The following RYR3 variants were observed in gnomAD, a reference collection of about 807,000 sequenced individuals.
The protein encoded by RYR3 is brain ryanodine receptor-calcium release channel.
A neutral mutation model predicts 584.3 loss-of-function variants in RYR3; 207 were observed. The ratio of observed to expected loss-of-function variants is 0.35; its 90% CI spans 0.32 to 0.40. RYR3 has a LOEUF of 0.40. Among genes scored for constraint, RYR3 ranks in the 10% least tolerant of loss-of-function variants. RYR3 has a pLI of 1.00. For synonymous variants in RYR3, 2,416 were observed against 2,248.5 expected, an observed-to-expected ratio of 1.07 and a Z score of -2.11; for missense variants, 5,616 against 6,089.2, an observed-to-expected ratio of 0.92 and a Z score of 2.59.
At position 33,722,712 on chromosome 15, in the gene RYR3, C is replaced by T. The variant is rs2293028; in HGVS notation, c.6620-3C>T. 487,360 of 1,609,044 alleles carry T rather than the reference C, an allele frequency of 0.3. 78,798 individuals are homozygous for T. Among genetic ancestry groups the T allele is most frequent in the East Asian group, 0.62 (27,587 of 44,802 alleles). On this transcript the variant is annotated splice_region_variant and splice_polypyrimidine_tract_variant and intron_variant, in intron 43 of 103. Coordinates refer to ENST00000634891, the MANE Select transcript of RYR3 (RefSeq NM_001036.6). ...AGAAGGAAACAGTGCCTGTCTTCCTCAGGTGAGAGTGTGGAAGAAAACGCC... is the reference window on the plus strand; with the variant it reads ...AGAAGGAAACAGTGCCTGTCTTCCTTAGGTGAGAGTGTGGAAGAAAACGCC...
At chr15:33,595,610 C>G (rs1018618206) in intron 16 of RYR3, among the ~76,000 whole-genome samples, 2 of 152,154 alleles carry the variant, frequency 1.3e-5, no homozygotes, top group Admixed American at 1.3e-4. Context: ...GCTTTAATTT[C>G]TTGCCCTGTG....
At chr15:33,713,608 T>G (rs1398122737) in intron 43 of RYR3, among the ~76,000 whole-genome samples, 1 of 152,186 alleles carries the variant, frequency 6.6e-6, no homozygotes, top group East Asian at 1.9e-4. Context: ...TATATTAACT[T>G]TAATTATACG....
intron 3 of RYR3, among the ~76,000 whole-genome samples, chr15:33,527,881 G>A (rs1365218148): frequency 1.3e-5 from 2 of 152,168 alleles, no homozygotes; most frequent in African/African-American, 4.8e-5. Flanking sequence ...GTGAGACCTG[G>A]TGGCAATAGA....
At chr15:33,790,570 G>T (rs1475793470) in intron 67 of RYR3, among the ~76,000 whole-genome samples, 1 of 152,096 alleles carries the variant, frequency 6.6e-6, no homozygotes, top group African/African-American at 2.4e-5. Flanking sequence ...GGTTGTTGAG[G>T]GGAAGATCAG....
rs764392286 is a variant in RYR3, at chr15:33,748,257, C to T, written c.8133C>T (p.Asn2711=). Residue 2711 remains asparagine, a synonymous_variant, in exon 54 of 104, where the codon AAC becomes AAT. Transcript: ENST00000634891. ...AGCTTCGAAGTGTGTCCCAGGCCAA[C>T]CAGGTATGACACCACACCCAGAGGC... ...NEKLRSVSQA[N]QGNSYSPAPL... 1.2e-6 allele frequency: 2 copies of T among 1,613,656 alleles called. No homozygotes were observed. Among genetic ancestry groups the T allele is most frequent in the South Asian group, 1.1e-5 (1 of 91,028 alleles).
chr15:33,508,823 A>T (rs2052708784), intron 3 of RYR3, among the ~76,000 whole-genome samples: 1 of 152,306 alleles, frequency 6.6e-6, no homozygotes, highest in African/African-American at 2.4e-5. Context: ...CCTTTGATTT[A>T]TTCTTGTCTT....
In RYR3 at chr15:33,825,098, T is replaced by C. The variant is rs1030979798; in HGVS notation, c.11073-505T>C. The stretch of plus-strand genomic sequence containing the variant: ...TAGGCTTTTGCATGATGTAGAATCA[T>C]AAAAGGGCGTGGCCCTTTGAAATCT... On this transcript the variant is annotated intron_variant, in intron 81 of 103. Coordinates refer to ENST00000634891, the MANE Select transcript of RYR3 (RefSeq NM_001036.6). 6.6e-5 allele frequency among the ~76,000 whole-genome samples: 10 copies of C among 152,332 alleles called. 1 individual carries two copies. In the South Asian group the frequency reaches 2.1e-3, roughly 32 times the overall value.
chr15:33,832,930 C>A (rs1402044758), intron 86 of RYR3, among the ~76,000 whole-genome samples: 1 of 150,380 alleles, frequency 6.6e-6, no homozygotes, highest in Non-Finnish European at 1.5e-5. Flanking sequence ...ATCGCTTGAA[C>A]CCAGGAGGCA....
intron 5 of RYR3, among the ~76,000 whole-genome samples, chr15:33,533,932 TACAG>T (rs1394658407): frequency 6.6e-6 from 1 of 152,218 alleles, no homozygotes; most frequent in Non-Finnish European, 1.5e-5. Context: ...CTTAAAATTT[TACAG>T]ACAAAACTTA....
Position 33,359,325 on chromosome 15 carries a change from A to G in RYR3, c.51+48229A>G, listed in dbSNP as rs147928068. ...TACTTAAATTCCAAATTCCTCACCT[A>G]CAGTCTTCCTACAGTCTTTAAAGCC... is the stretch of plus-strand genomic sequence containing the variant. On this transcript the variant is annotated intron_variant, in intron 1 of 103. Coordinates refer to ENST00000634891, the MANE Select transcript of RYR3 (RefSeq NM_001036.6). 8.4e-4 allele frequency among the ~76,000 whole-genome samples: 128 copies of G among 152,296 alleles called. 1 individual carries two copies. The highest frequency in any genetic ancestry group is 3.8e-4 in the Non-Finnish European group (26 of 68,024).
intron 1 of RYR3, among the ~76,000 whole-genome samples, chr15:33,464,604 TAA>T (rs1463166718): frequency 6.7e-6 from 1 of 149,778 alleles, no homozygotes; most frequent in African/African-American, 2.4e-5. Flanking sequence ...ATTTCCTATA[TAA>T]TATAAACAAT....
At chr15:33,461,001 G>C (rs1288218865) in intron 1 of RYR3, among the ~76,000 whole-genome samples, 2 of 132,694 alleles carry the variant, frequency 1.5e-5, no homozygotes, top group Non-Finnish European at 3.1e-5. Flanking sequence ...CTGGAGTGCA[G>C]TGGCGTGATC....
At chr15:33,711,234 C>CTT (rs1567000991) in intron 43 of RYR3, among the ~76,000 whole-genome samples, 8 of 84,664 alleles carry the variant, frequency 9.4e-5, no homozygotes, top group African/African-American at 3.1e-4. Flanking sequence ...TTCTTTCTTT[C>CTT]ATTTTTTTTT....
intron 48 of RYR3, among the ~76,000 whole-genome samples, chr15:33,734,838 C>T (rs1345763638): frequency 6.6e-6 from 1 of 151,776 alleles, no homozygotes; most frequent in Non-Finnish European, 1.5e-5. Flanking sequence ...TATAGGCACC[C>T]GCCACCACGC....
chr15:33,506,505 A>G (rs2052495626), intron 3 of RYR3, among the ~76,000 whole-genome samples: 1 of 152,220 alleles, frequency 6.6e-6, no homozygotes, highest in Non-Finnish European at 1.5e-5. Context: ...AAGAGAAGAG[A>G]GACCTAATAG....
intron 38 of RYR3, among the ~76,000 whole-genome samples, chr15:33,680,358 C>G (rs2064497797): frequency 6.6e-6 from 1 of 152,196 alleles, no homozygotes; most frequent in African/African-American, 2.4e-5. Flanking sequence ...ATTTCACTGG[C>G]TGACATCTGT....
At chr15:33,586,337 C>T (rs58654420) in intron 16 of RYR3, among the ~76,000 whole-genome samples, 11,888 of 152,182 alleles carry the variant, frequency 0.078, 1,161 homozygotes, top group African/African-American at 0.23. Flanking sequence ...GCTCCCCAGT[C>T]GCTGCTCATT....
chr15:33,633,491 T>C (rs752957524), intron 24 of RYR3, among the ~76,000 whole-genome samples: 1 of 152,186 alleles, frequency 6.6e-6, no homozygotes, highest in African/African-American at 2.4e-5. Context: ...CAGCTAGAAA[T>C]TAGAAAGAGT....
In RYR3 at chr15:33,631,258, TGAG is replaced by T. The variant is rs2061251695; in HGVS notation, c.2838_2840del (p.Glu946del). On this transcript the variant is annotated inframe_deletion, in exon 23 of 104. Transcript: ENST00000634891. ...ACATTGCTCATGTTAACCCAGCTGC[TGAG>T]GAGGATCTCAAGAAGGTCAAACTGC... 1 of 1,591,026 alleles carries T rather than the reference TGAG, an allele frequency of 6.3e-7. No individual in the cohort carries two copies. Among genetic ancestry groups the T allele is most frequent in the African/African-American group, 1.3e-5 (1 of 74,570 alleles).
Sources: gnomAD v4.1 joint callset for allele counts (sites outside exome capture counted in the v4.1 genomes callset) on GRCh38, gnomAD v4.1.1 for gene constraint, MANE v1.5 for transcripts, NCBI Gene and HGNC (gene_info 2026-07-23, HGNC 2026-07-21) for gene names.